The following LIN28B variants were observed in gnomAD, a reference collection of about 807,000 sequenced individuals.
LIN28B encodes lin-28 RNA binding posttranscriptional regulator B, also known as protein lin-28 homolog B.
A neutral mutation model predicts 21.9 loss-of-function variants in LIN28B; 5 were observed. That is an observed-to-expected ratio of 0.23 (90% CI 0.12 to 0.48). The LOEUF (loss-of-function observed/expected upper bound fraction) is 0.48, where lower values mean the gene tolerates loss of function less well. Among genes scored for constraint, LIN28B ranks in the 20% least tolerant of loss-of-function variants. The probability of loss-of-function intolerance (pLI) is 0.98; values close to 1 mark genes in which losing one functional copy is unlikely to be tolerated. For synonymous variants in LIN28B, 109 were observed against 111.3 expected (o/e 0.98, Z 0.13); for missense variants, 245 against 310.5 (o/e 0.79, Z 1.58).
intron 2 of LIN28B, among the ~76,000 whole-genome samples, chr6:105,008,587 T>C (rs1161712982): frequency 1.3e-5 from 2 of 149,122 alleles, no homozygotes; most frequent in Non-Finnish European, 3.0e-5. Flanking sequence ...GAGTTTGCAG[T>C]GAGCCGAGAT....
At chr6:104,999,895 G>A (rs371911424) in intron 2 of LIN28B, among the ~76,000 whole-genome samples, 1 of 152,094 alleles carries the variant, frequency 6.6e-6, no homozygotes, top group African/African-American at 2.4e-5. Flanking sequence ...GGTCAAGCAG[G>A]TCTTGAACTC....
intron 2 of LIN28B, among the ~76,000 whole-genome samples, chr6:104,999,906 C>T (rs1442450759): frequency 6.6e-6 from 1 of 152,054 alleles, no homozygotes; most frequent in Non-Finnish European, 1.5e-5. Flanking sequence ...TCTTGAACTC[C>T]CAACCTTAGG....
chr6:105,023,752 G>C (rs1418247689), intron 2 of LIN28B, among the ~76,000 whole-genome samples: 2 of 139,712 alleles, frequency 1.4e-5, no homozygotes, highest in African/African-American at 5.4e-5. Flanking sequence ...TATTCTTTCA[G>C]AATATCATGA....
chr6:104,957,785 CAAGTA>C (rs1256752691), intron 1 of LIN28B, among the ~76,000 whole-genome samples: 3 of 151,944 alleles, frequency 2.0e-5, no homozygotes, highest in African/African-American at 7.3e-5. Flanking sequence ...CAGCAATATA[CAAGTA>C]AAGTATCGCA....
intron 3 of LIN28B, among the ~76,000 whole-genome samples, chr6:105,078,113 A>C (rs572401418): frequency 2.0e-5 from 3 of 152,262 alleles, no homozygotes; most frequent in African/African-American, 7.2e-5. Context: ...GATAGTGTCA[A>C]ATTTAAAGGA....
intron 3 of LIN28B, among the ~76,000 whole-genome samples, chr6:105,035,327 C>G (rs1771501646): frequency 2.0e-5 from 3 of 152,036 alleles, no homozygotes; most frequent in African/African-American, 7.2e-5. Flanking sequence ...ATAACTGTTT[C>G]ACCCTGATAC....
At chr6:104,994,193 A>T (rs944552577) in intron 2 of LIN28B, among the ~76,000 whole-genome samples, 30 of 151,922 alleles carry the variant, frequency 2.0e-4, no homozygotes, top group African/African-American at 6.8e-4. Flanking sequence ...TTTAGTAGAG[A>T]CGGCATTTCA....
intron 2 of LIN28B, among the ~76,000 whole-genome samples, chr6:105,025,887 G>T (rs1771277661): frequency 6.6e-6 from 1 of 151,258 alleles, no homozygotes; most frequent in Admixed American, 6.6e-5. Flanking sequence ...TTCTCTTAAT[G>T]GCTTAATAAT....
At chr6:104,990,808 T>C (rs1222885540) in intron 2 of LIN28B, among the ~76,000 whole-genome samples, 1 of 152,194 alleles carries the variant, frequency 6.6e-6, no homozygotes, top group African/African-American at 2.4e-5. Flanking sequence ...ACAAAGCGCA[T>C]CTTGCACCGC....
At chr6:104,990,780 C>T (rs1770448987) in intron 2 of LIN28B, among the ~76,000 whole-genome samples, 1 of 152,016 alleles carries the variant, frequency 6.6e-6, no homozygotes, top group South Asian at 2.1e-4. Context: ...GAGCATGCTG[C>T]CTTCAAGCAT....
intron 3 of LIN28B, among the ~76,000 whole-genome samples, chr6:105,059,428 A>T (rs1772083289): frequency 6.6e-6 from 1 of 152,128 alleles, no homozygotes; most frequent in South Asian, 2.1e-4. Flanking sequence ...TCTTTCAGTG[A>T]TGTCTCCCAA....
intron 2 of LIN28B, among the ~76,000 whole-genome samples, chr6:105,009,045 A>T (rs1482964163): frequency 3.3e-5 from 5 of 152,250 alleles, no homozygotes; most frequent in African/African-American, 9.6e-5. Context: ...TTTAGAACTA[A>T]CTACTCTTTT....
At position 105,082,485 on chromosome 6, in the gene LIN28B, C is replaced by T. The variant is rs183960249; in HGVS notation, c.*3702C>T. On this transcript the variant is annotated 3_prime_UTR_variant, in exon 4 of 4. Coordinates refer to ENST00000345080, the MANE Select transcript of LIN28B (RefSeq NM_001004317.4). ...ATTTAAATTAATTTATCTGTTTTCTCTAAGAAATGTTTATCATAAAATATA... is the reference window on the plus strand; with the variant it reads ...ATTTAAATTAATTTATCTGTTTTCTTTAAGAAATGTTTATCATAAAATATA... 3 of 152,564 alleles carry T rather than the reference C, an allele frequency of 2.0e-5. No homozygotes were observed. Among genetic ancestry groups the T allele is most frequent in the Non-Finnish European group, 4.4e-5 (3 of 68,028 alleles). The allele number at this position is 152,564 out of a possible 1,614,324, so 9.5% of individuals were successfully genotyped here.
chr6:105,024,284 G>A (rs1050164982), intron 2 of LIN28B, among the ~76,000 whole-genome samples: 2 of 151,964 alleles, frequency 1.3e-5, no homozygotes, highest in African/African-American at 2.4e-5. Flanking sequence ...GAGCTACCGC[G>A]CTTAGCCCAG....
intron 2 of LIN28B, among the ~76,000 whole-genome samples, chr6:104,971,032 T>C (rs1014055519): frequency 1.3e-5 from 2 of 152,184 alleles, no homozygotes; most frequent in Non-Finnish European, 2.9e-5. Flanking sequence ...GTTATTTTAA[T>C]TTGTTCTTAA....
At chr6:105,070,288 G>A (rs1260491721) in intron 3 of LIN28B, among the ~76,000 whole-genome samples, 1 of 152,112 alleles carries the variant, frequency 6.6e-6, no homozygotes, top group Non-Finnish European at 1.5e-5. Context: ...CTGAGTCACT[G>A]GTAGACAGGC....
intron 3 of LIN28B, among the ~76,000 whole-genome samples, chr6:105,062,721 G>A (rs1772146609): frequency 1.3e-5 from 2 of 151,746 alleles, no homozygotes. Context: ...CCAGCTTATT[G>A]TTCTTGGTGG....
intron 3 of LIN28B, among the ~76,000 whole-genome samples, chr6:105,034,548 C>G (rs964899980): frequency 6.6e-6 from 1 of 151,932 alleles, no homozygotes; most frequent in African/African-American, 2.4e-5. Flanking sequence ...GTTAACTTAT[C>G]ATTTTTAAGA....
chr6:105,077,967 A>G (rs1237306207), intron 3 of LIN28B, among the ~76,000 whole-genome samples: 1 of 152,206 alleles, frequency 6.6e-6, no homozygotes, highest in Non-Finnish European at 1.5e-5. Flanking sequence ...AAATTTTGCC[A>G]GTTTCTGAGT....
Sources: gnomAD v4.1 joint callset for allele counts (sites outside exome capture counted in the v4.1 genomes callset) on GRCh38, gnomAD v4.1.1 for gene constraint, MANE v1.5 for transcripts, NCBI Gene and HGNC (gene_info 2026-07-23, HGNC 2026-07-21) for gene names.